The following ARHGAP29 variants were observed in gnomAD, a reference collection of about 807,000 sequenced individuals.
The protein encoded by ARHGAP29 is rho GTPase-activating protein 29.
ARHGAP29 carries 43 observed loss-of-function variants against 122.6 expected under a neutral mutation model. The ratio of observed to expected loss-of-function variants is 0.35; its 90% CI spans 0.27 to 0.45. ARHGAP29 has a LOEUF of 0.45. ARHGAP29 is among the 20% of genes least tolerant of loss of function. The pLI is 1.00. For synonymous variants in ARHGAP29, 506 were observed against 497.1 expected, an observed-to-expected ratio of 1.02 and a Z score of -0.24; for missense variants, 1,303 against 1,477.2, an observed-to-expected ratio of 0.88 and a Z score of 1.93.
At chr1:94,184,624 C>T (rs1460513467) in intron 18 of ARHGAP29, among the ~76,000 whole-genome samples, 2 of 151,582 alleles carry the variant, frequency 1.3e-5, no homozygotes, top group East Asian at 2.0e-4. Flanking sequence ...CGTGGTAGCG[C>T]GTGCCTGTGG....
chr1:94,192,157 T>C (rs1445651184), intron 12 of ARHGAP29: 2 of 152,148 alleles, frequency 1.3e-5, no homozygotes, highest in African/African-American at 4.8e-5. Context: ...CTCAAAAATA[T>C]TTTAAGGAAG....
chr1:94,214,719 T>C (rs6695804), intron 3 of ARHGAP29, among the ~76,000 whole-genome samples: 145,331 of 152,186 alleles, frequency 0.95, 69,769 homozygotes, highest in East Asian at 1. Context: ...TAAATAATTG[T>C]CTCCCTTGGG....
the ARHGAP29 span, among the ~76,000 whole-genome samples, chr1:94,308,731 C>T: frequency 6.6e-6 from 1 of 152,182 alleles, no homozygotes; most frequent in Non-Finnish European, 1.5e-5. Flanking sequence ...GCCTTGTCTC[C>T]TCCTACACCT....
At chr1:94,282,384 C>T in the ARHGAP29 span, among the ~76,000 whole-genome samples, 2 of 151,940 alleles carry the variant, frequency 1.3e-5, no homozygotes, top group Admixed American at 6.6e-5. Flanking sequence ...CTCCTGGACT[C>T]AAGTGATCCT....
At chr1:94,204,127 G>C in intron 7 of ARHGAP29, 133 bp from the exon 8 acceptor site, 1 of 502,820 alleles carries the variant, frequency 2.0e-6, no homozygotes, top group Non-Finnish European at 3.3e-6. Context: ...ATATAATACA[G>C]CAATACTTCT....
intron 19 of ARHGAP29, among the ~76,000 whole-genome samples, chr1:94,180,771 T>C (rs1051466288): frequency 3.3e-5 from 5 of 152,172 alleles, no homozygotes; most frequent in Non-Finnish European, 7.3e-5. Context: ...CTCTCTAACA[T>C]TGTTTTAAGA....
chr1:94,206,722 C>A (rs1023146896), intron 5 of ARHGAP29, among the ~76,000 whole-genome samples: 2 of 151,722 alleles, frequency 1.3e-5, no homozygotes, highest in Non-Finnish European at 2.9e-5. Context: ...CATGGAGAAA[C>A]CCCATCTCTA....
intron 7 of ARHGAP29, 109 bp from the exon 8 acceptor site, chr1:94,204,103 T>G: frequency 1.3e-6 from 1 of 743,356 alleles, no homozygotes. Context: ...TCACAAATAC[T>G]AGTGTGTATC....
chr1:94,237,337 G>A, intron 1 of ARHGAP29, 78 bp downstream of exon 1: 2 of 947,438 alleles, frequency 2.1e-6, no homozygotes, highest in South Asian at 9.7e-5. Flanking sequence ...ACGGCAATTC[G>A]CGGGCGCTCG....
rs529621950 is a variant in ARHGAP29, at chr1:94,201,435, T to G, written c.1281+285A>C. Among the ~76,000 whole-genome samples the G allele has an allele frequency of 5.3e-5, 8 of 152,018 alleles. 1 individual carries two copies. The highest frequency in any genetic ancestry group is 4.2e-4 in the South Asian group (2 of 4,802). On this transcript the variant is annotated intron_variant, in intron 12 of 22. Coordinates refer to ENST00000260526, the MANE Select transcript of ARHGAP29 (RefSeq NM_004815.4). Reference sequence around the variant, plus strand: ...CCTTCCCCTTCTGCAGATAGAGACTTCTCTTTCTTTTCCCTCCCTCCCTTC... The same window carrying G: ...CCTTCCCCTTCTGCAGATAGAGACTGCTCTTTCTTTTCCCTCCCTCCCTTC...
rs1180783981 is a variant in ARHGAP29, at chr1:94,179,589, T to C, written c.2480+136A>G. ...GCCTGGGTGACAGAGCGAGACTCTG[T>C]CTCAAAAAAAAAAAAAAAAAAAAAA... is the stretch of plus-strand genomic sequence containing the variant. On this transcript the variant is annotated intron_variant, in intron 20 of 22. Coordinates refer to ENST00000260526, the MANE Select transcript of ARHGAP29 (RefSeq NM_004815.4). 8 of 502,610 alleles carry C rather than the reference T, an allele frequency of 1.6e-5. No individual in the cohort carries two copies. The Admixed American group carries it at 1.7e-4, about 11-fold the overall frequency. 31.1% of individuals were successfully genotyped at this position (502,610 alleles called of 1,614,324 possible).
the ARHGAP29 span, among the ~76,000 whole-genome samples, chr1:94,305,775 C>T: frequency 6.6e-6 from 1 of 152,160 alleles, no homozygotes; most frequent in African/African-American, 2.4e-5. Flanking sequence ...TGTGAATATT[C>T]TAATTGGTGG....
intron 3 of ARHGAP29, among the ~76,000 whole-genome samples, chr1:94,213,764 T>C (rs1651797680): frequency 6.6e-6 from 1 of 152,222 alleles, no homozygotes. Flanking sequence ...AGTTTCCTCA[T>C]TTATAAACTG....
At chr1:94,232,650 T>C (rs1652989589) in intron 1 of ARHGAP29, among the ~76,000 whole-genome samples, 1 of 152,168 alleles carries the variant, frequency 6.6e-6, no homozygotes. Flanking sequence ...ATCACAAAAT[T>C]AGAAGACTTC....
chr1:94,283,905 A>C, the ARHGAP29 span, among the ~76,000 whole-genome samples: 2 of 152,216 alleles, frequency 1.3e-5, no homozygotes, highest in Non-Finnish European at 2.9e-5. Flanking sequence ...TGGATGGGGA[A>C]TAGAGCTAGT....
chr1:94,184,255 TTTTTA>T lies in ARHGAP29; in HGVS notation c.2138_2142del (p.Ile713AsnfsTer2). ...TCCAAAGCTTGACACAATTTTTCAG[TTTTTA>T]TTTTGTTTCCACACACACGATAAAT... On this transcript the variant is annotated frameshift_variant, in exon 19 of 23. Transcript: ENST00000260526. LOFTEE classifies it high-confidence loss of function. The T allele has an allele frequency of 6.2e-7, 1 of 1,611,802 alleles. No individual in the cohort carries two copies. Among genetic ancestry groups the T allele is most frequent in the Non-Finnish European group, 8.5e-7 (1 of 1,179,318 alleles).
chr1:94,264,412 C>T (rs1654679717), intron 1 of ARHGAP29, among the ~76,000 whole-genome samples: 1 of 152,058 alleles, frequency 6.6e-6, no homozygotes, highest in Admixed American at 6.6e-5. Flanking sequence ...AACAGCCCTC[C>T]CCTACTAATC....
At chr1:94,192,147 C>T (rs1335907531) in intron 12 of ARHGAP29, 1 of 151,966 alleles carries the variant, frequency 6.6e-6, no homozygotes, top group Non-Finnish European at 1.5e-5. Flanking sequence ...ATATTAAACA[C>T]TCAAAAATAT....
the ARHGAP29 span, among the ~76,000 whole-genome samples, chr1:94,297,954 A>C: frequency 6.6e-6 from 1 of 152,318 alleles, no homozygotes; most frequent in African/African-American, 2.4e-5. Flanking sequence ...CACTACCTCC[A>C]AACTGCAGTT....
Sources: gnomAD v4.1 joint callset for allele counts (sites outside exome capture counted in the v4.1 genomes callset) on GRCh38, gnomAD v4.1.1 for gene constraint, MANE v1.5 for transcripts, NCBI Gene and HGNC (gene_info 2026-07-23, HGNC 2026-07-21) for gene names.